MCTP2: variants seen among roughly 807,000 people sequenced by gnomAD.
MCTP2 encodes multiple C2 and transmembrane domain containing 2, also known as multiple C2 and transmembrane domain-containing protein 2.
Under a neutral mutation model 111.6 loss-of-function variants are expected in MCTP2, and 132 were observed. The observed-to-expected ratio is 1.18, with a 90% CI of 1.03 to 1.37. The LOEUF (loss-of-function observed/expected upper bound fraction) is 1.37, where lower values mean the gene tolerates loss of function less well. Ranked by LOEUF, MCTP2 falls within the 40% of genes most tolerant of loss-of-function variation. The probability of loss-of-function intolerance (pLI) is 0.00; values close to 1 mark genes in which losing one functional copy is unlikely to be tolerated. For synonymous variants in MCTP2, 395 were observed against 387.7 expected, an observed-to-expected ratio of 1.02 and a Z score of -0.22; for missense variants, 1,183 against 1,067.9, an observed-to-expected ratio of 1.11 and a Z score of -1.50.
intron 8 of MCTP2, 158 bp from the exon 9 acceptor site, chr15:94,355,979 A>G: frequency 7.7e-7 from 1 of 1,303,758 alleles, no homozygotes; most frequent in African/African-American, 1.5e-5. Flanking sequence ...CATAACTGTG[A>G]CAGCAGGTTT....
chr15:94,379,857 A>T (rs1024019318), intron 12 of MCTP2, among the ~76,000 whole-genome samples: 1 of 145,910 alleles, frequency 6.9e-6, no homozygotes, highest in African/African-American at 2.5e-5. Flanking sequence ...ATATATATAT[A>T]ATATATGACA....
intron 1 of MCTP2, among the ~76,000 whole-genome samples, chr15:94,261,478 A>G (rs962097108): frequency 2.6e-5 from 4 of 152,178 alleles, no homozygotes; most frequent in Non-Finnish European, 5.9e-5. Context: ...TGTAATGTAT[A>G]AAGTAGGGGC....
intron 20 of MCTP2, among the ~76,000 whole-genome samples, chr15:94,464,757 T>A (rs1273368909): frequency 1.3e-5 from 2 of 152,064 alleles, no homozygotes; most frequent in Non-Finnish European, 2.9e-5. Flanking sequence ...GGTTTCTATT[T>A]TGATTTCTTC....
intron 12 of MCTP2, among the ~76,000 whole-genome samples, chr15:94,379,477 A>G (rs551094767): frequency 6.6e-6 from 1 of 151,876 alleles, no homozygotes; most frequent in Non-Finnish European, 1.5e-5. Flanking sequence ...AATGCTCCAT[A>G]TTTAGTTTCA....
At chr15:94,458,032 C>T (rs1161524994) in intron 19 of MCTP2, 105 bp from the exon 20 acceptor site, 1 of 650,214 alleles carries the variant, frequency 1.5e-6, no homozygotes, top group East Asian at 2.8e-5. Context: ...TCTTGTGTCA[C>T]TCTATTGGTA....
At chr15:94,459,814 T>G (rs1217984171) in intron 20 of MCTP2, among the ~76,000 whole-genome samples, 1 of 152,214 alleles carries the variant, frequency 6.6e-6, no homozygotes, top group Non-Finnish European at 1.5e-5. Context: ...ACAATAATGA[T>G]AGCAACACCA....
chr15:94,291,913 C>G (rs2075050090), intron 1 of MCTP2, among the ~76,000 whole-genome samples: 1 of 152,150 alleles, frequency 6.6e-6, no homozygotes, highest in South Asian at 2.1e-4. Context: ...CAAAAGCAGT[C>G]ATCGCCAATA....
chr15:94,459,735 A>C (rs79677084), intron 20 of MCTP2, among the ~76,000 whole-genome samples: 1 of 152,190 alleles, frequency 6.6e-6, no homozygotes, highest in East Asian at 1.9e-4. Flanking sequence ...TCACTCAACT[A>C]TCAGTTATTG....
chr15:94,263,882 C>T (rs185474902), intron 1 of MCTP2, among the ~76,000 whole-genome samples: 1 of 152,318 alleles, frequency 6.6e-6, no homozygotes, highest in Admixed American at 6.5e-5. Flanking sequence ...CATCTGTAGT[C>T]AGACTAGAGT....
chr15:94,251,173 G>A lies in MCTP2; in HGVS notation c.-66+19509G>A, dbSNP rs546795241. 2.0e-3 allele frequency among the ~76,000 whole-genome samples: 307 copies of A among 152,262 alleles called. 1 individual carries two copies. The highest frequency in any genetic ancestry group is 6.8e-3 in the African/African-American group (283 of 41,556). On this transcript the variant is annotated intron_variant, in intron 1 of 22. Transcript: ENST00000357742. ...GCTGCCGTAGCCACAGTGAGGACAG[G>A]ACCCATGGTCACCTGGGATTTTGAC... is the stretch of plus-strand genomic sequence containing the variant.
At chr15:94,244,358 ATATG>A (rs1247606105) in intron 1 of MCTP2, among the ~76,000 whole-genome samples, 15 of 149,196 alleles carry the variant, frequency 1.0e-4, no homozygotes, top group African/African-American at 3.7e-4. Context: ...ATACACATAC[ATATG>A]TATATATACG....
chr15:94,467,122 CAG>C (rs2073410272), intron 20 of MCTP2, among the ~76,000 whole-genome samples: 3 of 152,096 alleles, frequency 2.0e-5, no homozygotes, highest in Non-Finnish European at 1.5e-5. Context: ...AAAGTAGATG[CAG>C]TTATTATTCC....
chr15:94,308,368 C>T (rs572933954), intron 2 of MCTP2, among the ~76,000 whole-genome samples: 5 of 152,102 alleles, frequency 3.3e-5, no homozygotes, highest in Admixed American at 6.5e-5. Flanking sequence ...ATTCTCCTGG[C>T]GCAGGTGTGG....
intron 14 of MCTP2, among the ~76,000 whole-genome samples, chr15:94,390,090 G>GTATATATATATGTATA (rs2080832261): frequency 1.5e-5 from 1 of 64,924 alleles, no homozygotes; most frequent in Non-Finnish European, 3.7e-5. Context: ...ATATATATAT[G>GTATATATATATGTATA]TATATATATA....
In MCTP2 at chr15:94,340,219, C is replaced by A; in HGVS notation, c.801C>A (p.Thr267=). The change falls in exon 6 of 23, where the codon ACC becomes ACA. Residue 267 remains threonine, a synonymous_variant. Transcript: ENST00000357742. ...LRVKVYDRDL[T]TSDFMGSAFV... ...TGTAGGTATATGATCGAGATTTAACCACATCTGATTTCATGGGTTCTGCAT... is the reference window on the plus strand; with the variant it reads ...TGTAGGTATATGATCGAGATTTAACAACATCTGATTTCATGGGTTCTGCAT... 6.2e-7 allele frequency: 1 copy of A among 1,612,562 alleles called. No homozygotes were observed. The highest frequency in any genetic ancestry group is 8.5e-7 in the Non-Finnish European group (1 of 1,178,904).
intron 1 of MCTP2, among the ~76,000 whole-genome samples, chr15:94,270,377 G>A (rs1297425679): frequency 1.3e-5 from 2 of 152,310 alleles, no homozygotes; most frequent in East Asian, 3.9e-4. Context: ...TGTATGTAAA[G>A]CAGTGAACAC....
chr15:94,257,566 GTTGTTTTTTTTTTTTTTTTTTTT>G (rs2072874371), intron 1 of MCTP2, among the ~76,000 whole-genome samples: 1 of 73,006 alleles, frequency 1.4e-5, no homozygotes, highest in Non-Finnish European at 2.7e-5. Flanking sequence ...CATTTTCTTT[GTTGTTTTTTTTTTTTTTTTTTTT>G]TTTTTTTTTT....
At position 94,413,380 on chromosome 15, in the gene MCTP2, C is replaced by T. The variant is rs2082238950; in HGVS notation, c.2085+11361C>T. 3.3e-5 allele frequency among the ~76,000 whole-genome samples: 5 copies of T among 151,958 alleles called. No individual in the cohort carries two copies. The South Asian group carries it at 1.0e-3, about 32-fold the overall frequency. Reference sequence around the variant, plus strand: ...TTCCTTATGCAGAAGAAATAAGATCCAGATTACTGCCCAGTTGGTACAGAT... The same window carrying T: ...TTCCTTATGCAGAAGAAATAAGATCTAGATTACTGCCCAGTTGGTACAGAT... On this transcript the variant is annotated intron_variant, in intron 17 of 22. Coordinates refer to ENST00000357742, the MANE Select transcript of MCTP2 (RefSeq NM_001385001.1).
intron 1 of MCTP2, among the ~76,000 whole-genome samples, chr15:94,233,125 T>A (rs2070305618): frequency 6.6e-6 from 1 of 152,140 alleles, no homozygotes. Flanking sequence ...AATTCAAATT[T>A]ATATTCATAG....
Sources: gnomAD v4.1 joint callset for allele counts (sites outside exome capture counted in the v4.1 genomes callset) on GRCh38, gnomAD v4.1.1 for gene constraint, MANE v1.5 for transcripts, NCBI Gene and HGNC (gene_info 2026-07-23, HGNC 2026-07-21) for gene names.